KCNJ15: variants seen among roughly 807,000 people sequenced by gnomAD.
KCNJ15 encodes ATP-sensitive inward rectifier potassium channel 15.
Under a neutral mutation model 23.0 loss-of-function variants are expected in KCNJ15, and 14 were observed. The ratio of observed to expected loss-of-function variants is 0.61; its 90% CI spans 0.40 to 0.95. The LOEUF (loss-of-function observed/expected upper bound fraction) is 0.95. Ranked by LOEUF, KCNJ15 falls within the 40% of genes least tolerant of loss-of-function variation. The pLI is 0.00. For synonymous variants in KCNJ15, 185 were observed against 183.2 expected, an observed-to-expected ratio of 1.01 and a Z score of -0.08; for missense variants, 388 against 461.8, an observed-to-expected ratio of 0.84 and a Z score of 1.46.
intron 1 of KCNJ15, among the ~76,000 whole-genome samples, chr21:38,239,735 T>C (rs1842257304): frequency 6.6e-6 from 1 of 152,196 alleles, no homozygotes; most frequent in South Asian, 2.1e-4. Context: ...AAAATACAAG[T>C]GCCACCACTC....
At chr21:38,287,607 C>T (rs1370540531) in intron 1 of KCNJ15, among the ~76,000 whole-genome samples, 3 of 152,200 alleles carry the variant, frequency 2.0e-5, no homozygotes, top group African/African-American at 7.2e-5. Context: ...TGCTGTCCAT[C>T]TGAAATTCAA....
In KCNJ15 at chr21:38,238,461, G is replaced by T. The variant is rs914929504; in HGVS notation, c.-398-18585G>T. 2.4e-5 allele frequency: 16 copies of T among 662,488 alleles called. No homozygotes were observed. The Admixed American group carries it at 2.9e-4, about 12-fold the overall frequency. 41.0% of individuals were successfully genotyped at this position (662,488 alleles called of 1,614,324 possible). On this transcript the variant is annotated intron_variant, in intron 1 of 4. Coordinates refer to the KCNJ15 transcript ENST00000547341. ...GAACTTTGGTGTCCTTGGCCTGGCGGTCTCCACAGATGGTGATCTGCCTGA... is the reference window on the plus strand; with the variant it reads ...GAACTTTGGTGTCCTTGGCCTGGCGTTCTCCACAGATGGTGATCTGCCTGA...
At chr21:38,231,052 A>G (rs570068195) in intron 1 of KCNJ15, among the ~76,000 whole-genome samples, 1 of 152,200 alleles carries the variant, frequency 6.6e-6, no homozygotes, top group Non-Finnish European at 1.5e-5. Context: ...ATCCATGAAC[A>G]TGGGATGTCT....
intron 1 of KCNJ15, among the ~76,000 whole-genome samples, chr21:38,288,603 A>G (rs1450151709): frequency 2.6e-5 from 4 of 152,218 alleles, no homozygotes; most frequent in African/African-American, 9.6e-5. Flanking sequence ...CATACTTTCT[A>G]TGTTTCCGTG....
At chr21:38,274,898 T>C (rs1264449844) in intron 1 of KCNJ15, among the ~76,000 whole-genome samples, 1 of 152,166 alleles carries the variant, frequency 6.6e-6, no homozygotes, top group Non-Finnish European at 1.5e-5. Flanking sequence ...TTTCTTTTTT[T>C]TGCAGTTCTC....
At chr21:38,288,907 A>G (rs1215253212) in intron 1 of KCNJ15, among the ~76,000 whole-genome samples, 4 of 152,240 alleles carry the variant, frequency 2.6e-5, no homozygotes, top group Admixed American at 2.6e-4. Flanking sequence ...TTCATTAAAT[A>G]AAACACATTA....
intron 1 of KCNJ15, among the ~76,000 whole-genome samples, chr21:38,294,764 A>G (rs954926309): frequency 6.6e-6 from 1 of 152,162 alleles, no homozygotes; most frequent in Non-Finnish European, 1.5e-5. Flanking sequence ...ATTCTGTTTC[A>G]GAGTGTGTTT....
At chr21:38,232,849 G>T (rs1244531084) in intron 1 of KCNJ15, among the ~76,000 whole-genome samples, 1 of 151,734 alleles carries the variant, frequency 6.6e-6, no homozygotes, top group Non-Finnish European at 1.5e-5. Context: ...ATTTACTGAG[G>T]CTTGTTTTAT....
At chr21:38,293,072 A>G (rs1984784949) in intron 1 of KCNJ15, among the ~76,000 whole-genome samples, 1 of 152,184 alleles carries the variant, frequency 6.6e-6, no homozygotes, top group African/African-American at 2.4e-5. Context: ...AATATGTATT[A>G]ATCGTGAAAA....
chr21:38,239,543 C>T (rs753240373), intron 1 of KCNJ15, among the ~76,000 whole-genome samples: 4 of 152,050 alleles, frequency 2.6e-5, no homozygotes, highest in Non-Finnish European at 4.4e-5. Flanking sequence ...CTGGCAAGGC[C>T]GAAAAGGTAC....
chr21:38,251,387 T>C (rs889720466), intron 1 of KCNJ15, among the ~76,000 whole-genome samples: 1 of 152,186 alleles, frequency 6.6e-6, no homozygotes, highest in African/African-American at 2.4e-5. Flanking sequence ...CGGATCACCG[T>C]TGGGTTCATG....
chr21:38,242,464 C>A (rs770061247), intron 1 of KCNJ15, among the ~76,000 whole-genome samples: 53 of 152,144 alleles, frequency 3.5e-4, no homozygotes, highest in Non-Finnish European at 6.3e-4. Flanking sequence ...GAGACCCAAC[C>A]AAACCAGCAC....
Position 38,236,943 on chromosome 21 carries a change from A to C in KCNJ15, c.-398-20103A>C, listed in dbSNP as rs1347633722. ...TCCTGACTGAAGGGTCCAGAAGCAG[A>C]CAGTCTATGGGTGGGAGGGTAACTC... On this transcript the variant is annotated intron_variant, in intron 1 of 4. Transcript: ENST00000547341. Among the ~76,000 whole-genome samples, 53 of 152,174 alleles carry C rather than the reference A, an allele frequency of 3.5e-4. 1 individual carries two copies. Among genetic ancestry groups the C allele is most frequent in the Admixed American group, 3.5e-3 (53 of 15,274 alleles).
chr21:38,230,984 A>G (rs899318786), intron 1 of KCNJ15, among the ~76,000 whole-genome samples: 1 of 152,098 alleles, frequency 6.6e-6, no homozygotes, highest in Admixed American at 6.5e-5. Flanking sequence ...TAGGTATTGC[A>G]TTGAATGTAT....
At chr21:38,237,477 A>G (rs1275293626) in intron 1 of KCNJ15, 1 of 152,256 alleles carries the variant, frequency 6.6e-6, no homozygotes, top group African/African-American at 2.4e-5. Flanking sequence ...GACATCAGAA[A>G]TGTAGTCAGA....
chr21:38,294,950 C>T (rs1984990675), intron 1 of KCNJ15, among the ~76,000 whole-genome samples: 1 of 152,142 alleles, frequency 6.6e-6, no homozygotes, highest in Admixed American at 6.5e-5. Context: ...GCAACCCCAA[C>T]CCACAAACTG....
intron 1 of KCNJ15, chr21:38,268,762 G>C (rs1981767572): frequency 6.6e-6 from 1 of 152,082 alleles, no homozygotes; most frequent in Non-Finnish European, 1.5e-5. Flanking sequence ...CTTGGGAAAG[G>C]TGCACTAATG....
rs1256075769 is a variant in KCNJ15 at position 38,304,989 on chromosome 21, A to C, written c.*4600A>C. 6.8e-6 allele frequency: 1 copy of C among 146,120 alleles called. No individual in the cohort carries two copies. Among genetic ancestry groups the C allele is most frequent in the African/African-American group, 2.5e-5 (1 of 39,872 alleles). 9.1% of individuals were successfully genotyped at this position (146,120 alleles called of 1,614,324 possible). On this transcript the variant is annotated 3_prime_UTR_variant, in exon 3 of 3. Transcript: ENST00000398938. ...CAGCTACTCAGGAGACTGAGGCAGG[A>C]GATTCGCTTGAACCCGGGAGGTGGA...
chr21:38,241,505 A>G (rs1322437377), intron 1 of KCNJ15, among the ~76,000 whole-genome samples: 5 of 152,224 alleles, frequency 3.3e-5, no homozygotes, highest in Non-Finnish European at 7.3e-5. Flanking sequence ...CGTGCAAATG[A>G]ACTTGGCCTC....
Sources: gnomAD v4.1 joint callset for allele counts (sites outside exome capture counted in the v4.1 genomes callset) on GRCh38, gnomAD v4.1.1 for gene constraint, MANE v1.5 for transcripts, NCBI Gene and HGNC (gene_info 2026-07-23, HGNC 2026-07-21) for gene names.